The following SEMA3C variants were observed in gnomAD, a reference collection of about 807,000 sequenced individuals.
SEMA3C encodes the protein semaphorin 3C.
SEMA3C carries 47 observed loss-of-function variants against 89.4 expected under a neutral mutation model. The ratio of observed to expected loss-of-function variants is 0.53; its 90% CI spans 0.42 to 0.67. The LOEUF (loss-of-function observed/expected upper bound fraction) is 0.67. Among genes scored for constraint, SEMA3C ranks in the 30% least tolerant of loss-of-function variants. SEMA3C has a pLI of 0.00. For synonymous variants in SEMA3C, 310 were observed against 320.2 expected, an observed-to-expected ratio of 0.97 and a Z score of 0.34; for missense variants, 839 against 929.1, an observed-to-expected ratio of 0.90 and a Z score of 1.26.
chr7:80,797,541 T>C (rs116904746), intron 11 of SEMA3C, among the ~76,000 whole-genome samples: 2,182 of 152,370 alleles, frequency 0.014, 63 homozygotes, highest in Admixed American at 0.067. Flanking sequence ...AAATATTTTA[T>C]TTTAAAAATT....
chr7:80,750,473 T>TATACACACACACAC (rs869227686), intron 16 of SEMA3C, among the ~76,000 whole-genome samples: 49 of 55,410 alleles, frequency 8.8e-4, no homozygotes, highest in Non-Finnish European at 1.6e-3. Context: ...TATATATATA[T>TATACACACACACAC]ACACACACAC....
chr7:80,767,771 AT>A (rs1462622653), intron 12 of SEMA3C, among the ~76,000 whole-genome samples: 1 of 151,398 alleles, frequency 6.6e-6, no homozygotes, highest in African/African-American at 2.4e-5. Flanking sequence ...ACAACCAGAA[AT>A]CATTTAGTGA....
rs3807099 is a variant in SEMA3C, at chr7:80,763,614, A to C, written c.1443+1541T>G. On this transcript the variant is annotated intron_variant, in intron 13 of 17. Transcript: ENST00000265361. Reference sequence around the variant, plus strand: ...ATCAGACTAACTCATGTTTCTTTCCATAACATGTATGTTTAGGTTTATGTC... The same window carrying C: ...ATCAGACTAACTCATGTTTCTTTCCCTAACATGTATGTTTAGGTTTATGTC... Among the ~76,000 whole-genome samples the C allele has an allele frequency of 8.8e-4, 134 of 152,318 alleles. 2 individuals are homozygous for C. In the East Asian group the frequency reaches 0.025, roughly 29 times the overall value.
At chr7:80,842,478 A>G (rs190080344) in intron 2 of SEMA3C, among the ~76,000 whole-genome samples, 31 of 152,266 alleles carry the variant, frequency 2.0e-4, no homozygotes, top group Admixed American at 1.8e-3. Flanking sequence ...CTGCTACCCC[A>G]TTGAGACAAA....
chr7:80,889,415 C>A (rs1009645296), intron 2 of SEMA3C, among the ~76,000 whole-genome samples: 3 of 152,078 alleles, frequency 2.0e-5, no homozygotes, highest in Non-Finnish European at 4.4e-5. Flanking sequence ...CAAATAATTA[C>A]TTATTAAACA....
chr7:80,800,486 G>A (rs931719516), intron 10 of SEMA3C, among the ~76,000 whole-genome samples: 2 of 151,882 alleles, frequency 1.3e-5, no homozygotes, highest in Non-Finnish European at 2.9e-5. Flanking sequence ...AAAAAATCAC[G>A]TATTTTTTCC....
chr7:80,785,271 T>A (rs1788776006), intron 12 of SEMA3C, among the ~76,000 whole-genome samples: 1 of 152,178 alleles, frequency 6.6e-6, no homozygotes, highest in Non-Finnish European at 1.5e-5. Flanking sequence ...GTGAATATCA[T>A]TACATGAAAT....
chr7:80,793,051 G>A (rs1404833706), intron 11 of SEMA3C, among the ~76,000 whole-genome samples: 1 of 152,146 alleles, frequency 6.6e-6, no homozygotes, highest in African/African-American at 2.4e-5. Flanking sequence ...TCATTCTTTA[G>A]AACATTAATT....
intron 15 of SEMA3C, among the ~76,000 whole-genome samples, chr7:80,755,887 T>C (rs1252230242): frequency 1.3e-5 from 2 of 152,148 alleles, no homozygotes; most frequent in Non-Finnish European, 1.5e-5. Context: ...CACAGAGTAA[T>C]GATGTCTAGA....
intron 4 of SEMA3C, among the ~76,000 whole-genome samples, chr7:80,819,001 G>A (rs928132688): frequency 6.6e-6 from 1 of 152,096 alleles, no homozygotes; most frequent in African/African-American, 2.4e-5. Context: ...TCCTTACTGA[G>A]AAAAACACAA....
At chr7:80,911,719 T>G (rs557821556) in intron 2 of SEMA3C, among the ~76,000 whole-genome samples, 1 of 151,738 alleles carries the variant, frequency 6.6e-6, no homozygotes, top group Non-Finnish European at 1.5e-5. Context: ...CTGCAAGCTC[T>G]GCCTCCCGAG....
chr7:80,764,957 C>T (rs1232045241), intron 13 of SEMA3C, among the ~76,000 whole-genome samples, 198 bp downstream of exon 13: 2 of 152,160 alleles, frequency 1.3e-5, no homozygotes, highest in Non-Finnish European at 2.9e-5. Context: ...CTTAAGATAA[C>T]TTGAAATGTA....
Position 80,758,431 on chromosome 7 carries a change from G to A in SEMA3C, c.1543C>T (p.His515Tyr), listed in dbSNP as rs758626218. The change falls in exon 15 of 18, where the codon CAC (histidine) becomes TAC (tyrosine). Residue 515 changes from histidine (H) to tyrosine (Y), a missense_variant. Coordinates refer to ENST00000265361, the MANE Select transcript of SEMA3C (RefSeq NM_006379.5). ...GVSQVSLHRC[H>Y]IYGTACADCC... Reference sequence around the variant, plus strand: ...TCAGCACAGGCTGTACCATAGATGTGGCAGCGGTGCAGAGATACCTGGGAA... The same window carrying A: ...TCAGCACAGGCTGTACCATAGATGTAGCAGCGGTGCAGAGATACCTGGGAA... The A allele has an allele frequency of 6.2e-6, 10 of 1,613,798 alleles. No individual in the cohort carries two copies. The highest frequency in any genetic ancestry group is 1.3e-5 in the African/African-American group (1 of 74,898).
At chr7:80,894,010 C>T (rs1164432267) in intron 2 of SEMA3C, among the ~76,000 whole-genome samples, 4 of 152,158 alleles carry the variant, frequency 2.6e-5, no homozygotes, top group African/African-American at 9.7e-5. Flanking sequence ...TAACCCTTGA[C>T]ACACATGAAT....
At chr7:80,771,676 T>C (rs1788437525) in intron 12 of SEMA3C, among the ~76,000 whole-genome samples, 1 of 152,166 alleles carries the variant, frequency 6.6e-6, no homozygotes, top group Admixed American at 6.6e-5. Flanking sequence ...CTGAGTCTTA[T>C]GTAAACAGTC....
chr7:80,852,914 G>A (rs192510138), intron 2 of SEMA3C, among the ~76,000 whole-genome samples: 7 of 152,104 alleles, frequency 4.6e-5, no homozygotes, highest in East Asian at 1.9e-4. Flanking sequence ...TCCTGACCTC[G>A]TGATCCGCCC....
At chr7:80,799,437 A>G (rs58355407) in intron 10 of SEMA3C, among the ~76,000 whole-genome samples, 3,163 of 152,306 alleles carry the variant, frequency 0.021, 96 homozygotes, top group African/African-American at 0.06. Flanking sequence ...TATGAGCAAG[A>G]TTAAAAAAAA....
upstream of SEMA3C, among the ~76,000 whole-genome samples, chr7:80,920,662 G>A (rs190280072): frequency 2.7e-3 from 410 of 152,216 alleles, 2 homozygotes; most frequent in South Asian, 0.013. Flanking sequence ...ATCTCCAAAC[G>A]TCAAAAAATT....
intron 2 of SEMA3C, among the ~76,000 whole-genome samples, chr7:80,898,899 C>T (rs532726588): frequency 6.6e-6 from 1 of 151,030 alleles, no homozygotes; most frequent in Admixed American, 6.6e-5. Flanking sequence ...AGTCTTTCAA[C>T]ATGGCCTAAA....
Sources: gnomAD v4.1 joint callset for allele counts (sites outside exome capture counted in the v4.1 genomes callset) on GRCh38, gnomAD v4.1.1 for gene constraint, MANE v1.5 for transcripts, NCBI Gene and HGNC (gene_info 2026-07-23, HGNC 2026-07-21) for gene names.